SLC24A3: variants seen among roughly 807,000 people sequenced by gnomAD.
SLC24A3 encodes the protein solute carrier family 24 member 3.
Under a neutral mutation model 75.8 loss-of-function variants are expected in SLC24A3, and 28 were observed. The observed-to-expected ratio is 0.37, with a 90% CI of 0.27 to 0.51. The LOEUF (loss-of-function observed/expected upper bound fraction) is 0.51, where lower values mean the gene tolerates loss of function less well. Ranked by LOEUF, SLC24A3 falls within the 20% of genes least tolerant of loss-of-function variation. The pLI is 0.94. For synonymous variants in SLC24A3, 372 were observed against 334.1 expected (o/e 1.11, Z -1.24); for missense variants, 663 against 847.8 (o/e 0.78, Z 2.71).
chr20:19,590,555 T>C (rs1262481237), intron 6 of SLC24A3, among the ~76,000 whole-genome samples: 2 of 152,128 alleles, frequency 1.3e-5, no homozygotes, highest in Non-Finnish European at 2.9e-5. Context: ...AGAGAGCAAG[T>C]GATCTGTTGA....
intron 2 of SLC24A3, among the ~76,000 whole-genome samples, chr20:19,478,295 C>T (rs941572083): frequency 6.6e-6 from 1 of 152,164 alleles, no homozygotes; most frequent in African/African-American, 2.4e-5. Context: ...ATCTTTAGGG[C>T]TCTATTTTTA....
intron 6 of SLC24A3, among the ~76,000 whole-genome samples, chr20:19,593,076 G>C (rs555288285): frequency 1.3e-5 from 2 of 152,160 alleles, no homozygotes; most frequent in Admixed American, 6.5e-5. Context: ...ACTTATAGGC[G>C]TGAGCCACCG....
intron 2 of SLC24A3, among the ~76,000 whole-genome samples, chr20:19,482,472 T>C (rs998205167): frequency 6.6e-6 from 1 of 152,234 alleles, no homozygotes. Context: ...TTAGACTCTC[T>C]GGGGACATCT....
intron 9 of SLC24A3, among the ~76,000 whole-genome samples, chr20:19,674,861 T>A (rs1040062537): frequency 1.3e-5 from 2 of 152,168 alleles, no homozygotes; most frequent in African/African-American, 4.8e-5. Flanking sequence ...GTGACCAGCC[T>A]GGCCAACATG....
chr20:19,701,013 A>G (rs2032865243), intron 15 of SLC24A3, among the ~76,000 whole-genome samples: 2 of 152,158 alleles, frequency 1.3e-5, no homozygotes, highest in South Asian at 4.1e-4. Context: ...CAGAATGACA[A>G]TATTTTTTAC....
At chr20:19,709,949 A>G (rs1438512244) in intron 15 of SLC24A3, among the ~76,000 whole-genome samples, 1 of 152,244 alleles carries the variant, frequency 6.6e-6, no homozygotes, top group African/African-American at 2.4e-5. Context: ...TGCAACTGTC[A>G]TTAAATTGCT....
intron 2 of SLC24A3, among the ~76,000 whole-genome samples, chr20:19,320,265 T>C (rs1211256665): frequency 6.6e-6 from 1 of 152,230 alleles, no homozygotes; most frequent in African/African-American, 2.4e-5. Flanking sequence ...ACTCAAAAGA[T>C]GGTAATTTCC....
intron 2 of SLC24A3, among the ~76,000 whole-genome samples, chr20:19,370,159 G>A (rs1472932452): frequency 6.6e-6 from 1 of 152,200 alleles, no homozygotes; most frequent in African/African-American, 2.4e-5. Context: ...AGCCATGGAA[G>A]TGGTTGTAAA....
intron 1 of SLC24A3, among the ~76,000 whole-genome samples, chr20:19,220,179 C>T (rs569614086): frequency 6.6e-6 from 1 of 152,320 alleles, no homozygotes; most frequent in South Asian, 2.1e-4. Context: ...AACCAATAAA[C>T]ATCACTTATT....
At chr20:19,541,816 G>A (rs2030503838) in intron 3 of SLC24A3, among the ~76,000 whole-genome samples, 2 of 152,206 alleles carry the variant, frequency 1.3e-5, no homozygotes, top group Non-Finnish European at 2.9e-5. Context: ...GCGGCTATGG[G>A]TCCATCTCTC....
intron 1 of SLC24A3, among the ~76,000 whole-genome samples, chr20:19,229,452 A>T (rs1288589433): frequency 6.6e-6 from 1 of 152,026 alleles, no homozygotes; most frequent in Non-Finnish European, 1.5e-5. Context: ...TTTATAATGC[A>T]TTTGATGTTT....
At chr20:19,426,532 G>T (rs1365395952) in intron 2 of SLC24A3, among the ~76,000 whole-genome samples, 1 of 152,210 alleles carries the variant, frequency 6.6e-6, no homozygotes, top group Admixed American at 6.5e-5. Flanking sequence ...TATCTAGCCA[G>T]TGTCCTAGGG....
intron 2 of SLC24A3, among the ~76,000 whole-genome samples, chr20:19,485,583 G>T (rs188886753): frequency 4.6e-5 from 7 of 152,214 alleles, no homozygotes; most frequent in Admixed American, 3.3e-4. Context: ...CTTTTTGAAA[G>T]CATGTGTTAT....
At chr20:19,532,716 C>T (rs992718092) in intron 3 of SLC24A3, among the ~76,000 whole-genome samples, 4 of 152,230 alleles carry the variant, frequency 2.6e-5, no homozygotes, top group African/African-American at 9.6e-5. Context: ...GCTCGGTGTT[C>T]CACACACCGT....
rs1452579954 is a variant in SLC24A3, at chr20:19,309,142, T to G, written c.271+28055T>G. Among the ~76,000 whole-genome samples the G allele has an allele frequency of 2.0e-5, 3 of 152,198 alleles. No homozygotes were observed. In the East Asian group the frequency reaches 5.8e-4, roughly 29 times the overall value. On this transcript the variant is annotated intron_variant, in intron 2 of 16. Transcript: ENST00000328041. ...CCTAGGTTTGTCTACCTTTAAAACTTTCACACCCTCAGATCTTCTAAAGTT... is the reference window on the plus strand; with the variant it reads ...CCTAGGTTTGTCTACCTTTAAAACTGTCACACCCTCAGATCTTCTAAAGTT...
At chr20:19,257,655 C>G (rs1174373316) in intron 1 of SLC24A3, 2 of 152,158 alleles carry the variant, frequency 1.3e-5, no homozygotes, top group Admixed American at 6.5e-5. Context: ...GAGGGAAATT[C>G]AGAAGTCTCA....
At chr20:19,456,085 C>T (rs1388315222) in intron 2 of SLC24A3, among the ~76,000 whole-genome samples, 3 of 151,346 alleles carry the variant, frequency 2.0e-5, no homozygotes, top group African/African-American at 7.3e-5. Flanking sequence ...TATGTTTGCC[C>T]TTTTTTTTTC....
At chr20:19,316,628 C>T (rs1351174197) in intron 2 of SLC24A3, among the ~76,000 whole-genome samples, 3 of 152,194 alleles carry the variant, frequency 2.0e-5, no homozygotes, top group Non-Finnish European at 4.4e-5. Flanking sequence ...CGTGCCGACT[C>T]CCCCTGGGCA....
intron 2 of SLC24A3, among the ~76,000 whole-genome samples, chr20:19,476,021 A>G (rs139970350): frequency 2.1e-3 from 319 of 152,376 alleles, no homozygotes; most frequent in African/African-American, 7.5e-3. Context: ...TTAGCAAAGC[A>G]TGTGGGAAAA....
Sources: allele counts gnomAD v4.1 joint callset (sites outside exome capture counted in the v4.1 genomes callset), GRCh38; gene constraint gnomAD v4.1.1; transcripts MANE v1.5; gene names NCBI Gene and HGNC (gene_info 2026-07-23, HGNC 2026-07-21).